PPP2R2B: variants seen among roughly 807,000 people sequenced by gnomAD.
PPP2R2B encodes protein phosphatase 2 regulatory subunit Bbeta, also known as serine/threonine-protein phosphatase 2A 55 kDa regulatory subunit B beta isoform.
A neutral mutation model predicts 46.0 loss-of-function variants in PPP2R2B; 5 were observed. That is an observed-to-expected ratio of 0.11 (90% CI 0.06 to 0.23). The LOEUF (loss-of-function observed/expected upper bound fraction) is 0.23. Ranked by LOEUF, PPP2R2B falls within the 10% of genes least tolerant of loss-of-function variation. The probability of loss-of-function intolerance (pLI) is 1.00; values close to 1 mark genes in which losing one functional copy is unlikely to be tolerated. For synonymous variants in PPP2R2B, 215 were observed against 206.7 expected (o/e 1.04, Z -0.34); for missense variants, 367 against 575.0 (o/e 0.64, Z 3.70).
intron 2 of PPP2R2B, among the ~76,000 whole-genome samples, chr5:147,079,469 T>C (rs186767601): frequency 1.1e-3 from 150 of 139,020 alleles, no homozygotes; most frequent in African/African-American, 2.5e-3. Flanking sequence ...TATATATATA[T>C]ACATGTGCAA....
At chr5:147,014,936 C>T (rs1489681364) in intron 1 of PPP2R2B, among the ~76,000 whole-genome samples, 1 of 151,790 alleles carries the variant, frequency 6.6e-6, no homozygotes, top group Non-Finnish European at 1.5e-5. Flanking sequence ...AGACTGGGTC[C>T]TATCCCCAAG....
rs140308315 is a variant in PPP2R2B at position 146,600,310 on chromosome 5, C to A, written c.941G>T (p.Arg314Leu). The A allele has an allele frequency of 6.2e-7, 1 of 1,613,674 alleles. No homozygotes were observed. Among genetic ancestry groups the A allele is most frequent in the Admixed American group, 1.7e-5 (1 of 59,960 alleles). Residue 314 changes from arginine to leucine, a missense_variant, in exon 8 of 10, where the codon CGC becomes CTC. Arg to Leu is a moderately radical substitution (Grantham distance 102, BLOSUM62 -2). Around this residue, in one of 2 missense-constraint regions of PPP2R2B, gnomAD observed 361 missense variants for 545.5 expected, o/e 0.66. Transcript: ENST00000394411. ...VKVWDLNMEN[R>L]PIETYQVHDY... ...CTATACCTGGTAAGTCTCGATGGGG[C>A]GGTTTTCCATGTTGAGATCCCAGAC...
intron 1 of PPP2R2B, among the ~76,000 whole-genome samples, chr5:146,972,767 T>C (rs1343936676): frequency 6.6e-6 from 1 of 152,092 alleles, no homozygotes; most frequent in Admixed American, 6.5e-5. Flanking sequence ...ATAATTAGCA[T>C]TTATCTTATA....
intron 1 of PPP2R2B, among the ~76,000 whole-genome samples, chr5:146,965,701 A>ACAAAT (rs1752369846): frequency 6.6e-6 from 1 of 152,084 alleles, no homozygotes; most frequent in Admixed American, 6.6e-5. Flanking sequence ...TAGTATTATA[A>ACAAAT]GTACAAATAT....
intron 2 of PPP2R2B, among the ~76,000 whole-genome samples, chr5:146,792,656 C>T (rs1004142405): frequency 2.6e-5 from 4 of 152,128 alleles, no homozygotes; most frequent in Non-Finnish European, 4.4e-5. Context: ...ATTGAAAAGG[C>T]AACACTTAAA....
At chr5:146,644,234 CAAAAAAAAAAA>C (rs58634387) in intron 6 of PPP2R2B, among the ~76,000 whole-genome samples, 51 of 60,680 alleles carry the variant, frequency 8.4e-4, no homozygotes, top group African/African-American at 2.8e-3. Context: ...AGGAAAGTTT[CAAAAAAAAAAA>C]AAAAAAAAAA....
intron 1 of PPP2R2B, among the ~76,000 whole-genome samples, chr5:147,047,329 T>A (rs1328451349): frequency 1.3e-5 from 2 of 152,090 alleles, no homozygotes; most frequent in African/African-American, 4.8e-5. Context: ...AGAGGATAAG[T>A]GTTTGAGATG....
At chr5:146,777,525 A>G (rs747317192) in intron 2 of PPP2R2B, among the ~76,000 whole-genome samples, 1 of 152,152 alleles carries the variant, frequency 6.6e-6, no homozygotes, top group Non-Finnish European at 1.5e-5. Context: ...GGTAATGAGT[A>G]TTTTTGGAAA....
At chr5:146,996,209 A>G (rs1753916537) in intron 1 of PPP2R2B, among the ~76,000 whole-genome samples, 1 of 151,540 alleles carries the variant, frequency 6.6e-6, no homozygotes, top group African/African-American at 2.4e-5. Flanking sequence ...TCAGAGAGGA[A>G]AAAAGTATTT....
chr5:146,832,030 T>C (rs1447993389), intron 2 of PPP2R2B, among the ~76,000 whole-genome samples: 1 of 152,158 alleles, frequency 6.6e-6, no homozygotes, highest in East Asian at 1.9e-4. Flanking sequence ...AGTAAAACAT[T>C]AATGGGAAAG....
chr5:146,875,100 C>T (rs1410723728), intron 2 of PPP2R2B, among the ~76,000 whole-genome samples: 2 of 152,292 alleles, frequency 1.3e-5, no homozygotes, highest in African/African-American at 4.8e-5. Flanking sequence ...ACAAGGTTTT[C>T]CATTGAATGT....
At chr5:146,655,111 C>T (rs942009994) in intron 5 of PPP2R2B, among the ~76,000 whole-genome samples, 6 of 152,150 alleles carry the variant, frequency 3.9e-5, no homozygotes, top group African/African-American at 1.4e-4. Context: ...GTGATGTCCC[C>T]CGATTCAGGT....
rs558925419 is a variant in PPP2R2B at position 146,985,204 on chromosome 5, A to C, written c.79+70461T>G. ...CCTGGCTAGTTTTTGTGTTTTTAGTAGAGACAGGGTTTCACCATATGGGCC... is the reference window on the plus strand; with the variant it reads ...CCTGGCTAGTTTTTGTGTTTTTAGTCGAGACAGGGTTTCACCATATGGGCC... On this transcript the variant is annotated intron_variant, in intron 1 of 8. Coordinates refer to the PPP2R2B transcript ENST00000336640. Among the ~76,000 whole-genome samples, 128 of 151,658 alleles carry C rather than the reference A, an allele frequency of 8.4e-4. 1 individual carries two copies. The highest frequency in any genetic ancestry group is 2.9e-3 in the African/African-American group (122 of 41,384).
chr5:147,030,468 T>C (rs1205295464), intron 1 of PPP2R2B, among the ~76,000 whole-genome samples: 1 of 152,106 alleles, frequency 6.6e-6, no homozygotes, highest in African/African-American at 2.4e-5. Flanking sequence ...TTCATGCTTA[T>C]TGATAATATA....
At chr5:146,594,061 C>T (rs1321762643) in intron 8 of PPP2R2B, among the ~76,000 whole-genome samples, 3 of 152,040 alleles carry the variant, frequency 2.0e-5, no homozygotes, top group Non-Finnish European at 4.4e-5. Context: ...AAGATGACTC[C>T]CTGATCTTTC....
intron 2 of PPP2R2B, among the ~76,000 whole-genome samples, chr5:147,075,285 TGTAA>T (rs1055947241): frequency 6.6e-5 from 10 of 152,176 alleles, no homozygotes; most frequent in Non-Finnish European, 8.8e-5. Context: ...CTTTTAAATG[TGTAA>T]GTGTCTTGCA....
intron 6 of PPP2R2B, among the ~76,000 whole-genome samples, chr5:146,645,910 C>A (rs1189421290): frequency 1.1e-4 from 16 of 152,194 alleles, no homozygotes; most frequent in Admixed American, 1.0e-3. Flanking sequence ...ACATGTCATA[C>A]TCTCTCCTGC....
chr5:146,680,690 T>G (rs1778110680), intron 5 of PPP2R2B, among the ~76,000 whole-genome samples: 1 of 152,176 alleles, frequency 6.6e-6, no homozygotes, highest in Admixed American at 6.5e-5. Context: ...TGAGACAGTG[T>G]GTGTATGCAT....
intron 1 of PPP2R2B, among the ~76,000 whole-genome samples, chr5:146,934,583 G>GAAAAAAAAAAAAAAAAAAAAAAAA (rs3062352): frequency 3.2e-5 from 1 of 31,490 alleles, no homozygotes; most frequent in African/African-American, 1.1e-4. Context: ...TTTTTCATAA[G>GAAAAAAAAAAAAAAAAAAAAAAAA]AAAAAAAAAA....
Sources: allele counts gnomAD v4.1 joint callset (sites outside exome capture counted in the v4.1 genomes callset), GRCh38; gene constraint gnomAD v4.1.1; regional missense constraint gnomAD v4.1.1; transcripts MANE v1.5; gene names NCBI Gene and HGNC (gene_info 2026-07-23, HGNC 2026-07-21).